The following MS4A6A variants were observed in gnomAD, a reference collection of about 807,000 sequenced individuals.
The protein encoded by MS4A6A is membrane-spanning 4-domains subfamily A member 6A.
MS4A6A carries 19 observed loss-of-function variants against 20.6 expected under a neutral mutation model. The observed-to-expected ratio is 0.92, with a 90% confidence interval of 0.64 to 1.36. The LOEUF (loss-of-function observed/expected upper bound fraction) is 1.36. Among genes scored for constraint, MS4A6A ranks in the 40% most tolerant of loss-of-function variants. MS4A6A has a pLI of 0.00. For missense variants in MS4A6A, 272 were observed against 261.1 expected, an observed-to-expected ratio of 1.04 and a Z score of -0.29; for synonymous variants, 108 against 105.0, an observed-to-expected ratio of 1.03 and a Z score of -0.17.
chr11:60,182,036 A>G (rs1361026929), intron 1 of MS4A6A, among the ~76,000 whole-genome samples: 2 of 152,228 alleles, frequency 1.3e-5, no homozygotes, highest in Admixed American at 1.3e-4. Flanking sequence ...GCAATATGCA[A>G]CAACCTCCCT....
chr11:60,172,481 C>A (rs597982), downstream of MS4A6A: 1,188,510 of 1,243,136 alleles, frequency 0.96, 571,346 homozygotes, highest in Non-Finnish European at 0.98. Context: ...TAAATAAAGC[C>A]ATAAGTCCAT....
intron 5 of MS4A6A, among the ~76,000 whole-genome samples, chr11:60,174,301 C>A (rs1191052921): frequency 6.6e-6 from 1 of 151,356 alleles, no homozygotes; most frequent in African/African-American, 2.4e-5. Flanking sequence ...TGCAGGACAA[C>A]AAATATTCTG....
downstream of MS4A6A, chr11:60,172,311 A>G (rs1294409216): frequency 9.4e-6 from 15 of 1,588,484 alleles, no homozygotes; most frequent in Non-Finnish European, 1.3e-5. Flanking sequence ...AGATAGATGT[A>G]TATATGCCAT....
intron 3 of MS4A6A, 106 bp downstream of exon 3, chr11:60,179,724 TG>T: frequency 7.5e-7 from 1 of 1,325,254 alleles, no homozygotes. Flanking sequence ...GTTGACTCCT[TG>T]CTCCTGGCAG....
At chr11:60,181,546 C>T (rs535404509) in intron 2 of MS4A6A, 35 bp downstream of exon 2, 25 of 1,612,430 alleles carry the variant, frequency 1.6e-5, no homozygotes, top group East Asian at 6.7e-5. Context: ...GCACTTCCCC[C>T]AACCCCTCTC....
At position 60,172,998 on chromosome 11, in the gene MS4A6A, A is replaced by G. The variant is rs1856656399; in HGVS notation, c.*3T>C. 4 of 1,613,952 alleles carry G rather than the reference A, an allele frequency of 2.5e-6. No individual in the cohort carries two copies. The highest frequency in any genetic ancestry group is 3.4e-6 in the Non-Finnish European group (4 of 1,179,880). ...GTGCAGGGATAAGATACACTAGGCA[A>G]GGTTAAGTGAAGCCGGCCAGCACAC... On this transcript the variant is annotated 3_prime_UTR_variant, in exon 6 of 6. Transcript: ENST00000528851.
At chr11:60,176,034 T>A (rs1434064876) in intron 4 of MS4A6A, among the ~76,000 whole-genome samples, 3 of 152,304 alleles carry the variant, frequency 2.0e-5, no homozygotes, top group Admixed American at 6.5e-5. Flanking sequence ...AAAAGATAGA[T>A]CATGTATTAG....
At position 60,175,418 on chromosome 11, in the gene MS4A6A, GC is replaced by G; in HGVS notation, c.532del (p.Ala178ProfsTer11). On this transcript the variant is annotated frameshift_variant, in exon 5 of 6. Transcript: ENST00000528851. LOFTEE classifies it high-confidence loss of function. Reference sequence around the variant, plus strand: ...AATACTTACAGCCAGACTGGCTTTGGCTGTATAGCAGTCCGTGGTATAAAGT... The same window carrying G: ...AATACTTACAGCCAGACTGGCTTTGGTGTATAGCAGTCCGTGGTATAAAGT... Reference protein sequence around the residue: ...DSLYTTDCYTAKASLAGTLSL... With the variant: ...DSLYTTDCYTXKASLAGTLSL... 6.2e-7 allele frequency: 1 copy of G among 1,613,568 alleles called. No individual in the cohort carries two copies. The highest frequency in any genetic ancestry group is 8.5e-7 in the Non-Finnish European group (1 of 1,179,542).
chr11:60,172,536 G>A lies in MS4A6A; in HGVS notation c.*465C>T, dbSNP rs1379386934. 4 of 1,142,196 alleles carry A rather than the reference G, an allele frequency of 3.5e-6. No homozygotes were observed. Among genetic ancestry groups the A allele is most frequent in the Admixed American group, 4.3e-5 (1 of 23,334 alleles). The allele number at this position is 1,142,196 out of a possible 1,614,324, so 70.8% of individuals were successfully genotyped here. A position where few individuals can be genotyped will look rare whatever the true frequency, so the allele number is the denominator to read the frequency against. ...ACATTTTTAATATAGCTTTAAAAAG[G>A]CAAACGAATTTTAAGATCACCAGGG... On this transcript the variant is annotated 3_prime_UTR_variant, in exon 6 of 6. Coordinates refer to ENST00000528851, the MANE Select transcript of MS4A6A (RefSeq NM_022349.4).
chr11:60,177,164 G>A (rs1167911423), intron 4 of MS4A6A: 1 of 152,180 alleles, frequency 6.6e-6, no homozygotes, highest in East Asian at 1.9e-4. Context: ...ATCATAGAAA[G>A]TTACATTTCA....
At chr11:60,182,099 C>T (rs115581868) in intron 1 of MS4A6A, among the ~76,000 whole-genome samples, 2,089 of 152,270 alleles carry the variant, frequency 0.014, 62 homozygotes, top group African/African-American at 0.048. Flanking sequence ...GATGAATTTT[C>T]AGACTAATAA....
In MS4A6A at chr11:60,179,944, T is replaced by C. The variant is rs776622879; in HGVS notation, c.169A>G (p.Met57Val). 2.5e-6 allele frequency: 4 copies of C among 1,614,104 alleles called. No homozygotes were observed. The South Asian group carries it at 3.3e-5, about 13-fold the overall frequency. The change falls in exon 3 of 6, where the codon ATG becomes GTG. Residue 57 changes from methionine to valine, a missense_variant. Coordinates refer to ENST00000528851, the MANE Select transcript of MS4A6A (RefSeq NM_022349.4). ...ATGATCCCCAAGCTCAATACCATCA[T>C]GCCACACAAGATCTGGATAGTCTGT... ...VIGTIQILCG[M>V]MVLSLGIILA...
Position 60,178,256 on chromosome 11 carries a change from T to A in MS4A6A, c.339+4A>T. 1 of 1,610,960 alleles carries A rather than the reference T, an allele frequency of 6.2e-7. No individual in the cohort carries two copies. The highest frequency in any genetic ancestry group is 8.5e-7 in the Non-Finnish European group (1 of 1,177,210). On this transcript the variant is annotated splice_donor_region_variant and intron_variant, in intron 4 of 5. Coordinates refer to ENST00000528851, the MANE Select transcript of MS4A6A (RefSeq NM_022349.4). ...GGGTTGTGGGTTATAGCTCTCTTAC[T>A]CACCAAAAGCTTGGTTAACCTTTTC... is the stretch of plus-strand genomic sequence containing the variant.
chr11:60,174,530 TG>T (rs1392479823), intron 5 of MS4A6A, among the ~76,000 whole-genome samples: 1 of 152,072 alleles, frequency 6.6e-6, no homozygotes, highest in African/African-American at 2.4e-5. Context: ...TTCACCGTCA[TG>T]GCCAGGCTCA....
At chr11:60,180,012 A>G (rs750757798) in intron 2 of MS4A6A, 47 bp from the exon 3 acceptor site, 2 of 1,595,960 alleles carry the variant, frequency 1.3e-6, no homozygotes, top group Admixed American at 3.4e-5. Context: ...AGCATTTGTA[A>G]AGACAGGGCC....
At chr11:60,181,776 G>A in intron 1 of MS4A6A, 35 bp from the exon 2 acceptor site, 1 of 1,604,612 alleles carries the variant, frequency 6.2e-7, no homozygotes, top group Non-Finnish European at 8.5e-7. Context: ...CTCTTAAAAA[G>A]TACAGAGCTC....
At chr11:60,179,765 G>C in intron 3 of MS4A6A, 66 bp downstream of exon 3, 1 of 1,585,514 alleles carries the variant, frequency 6.3e-7, no homozygotes, top group East Asian at 2.2e-5. Flanking sequence ...CAGGTGGGAA[G>C]TCTAAGCTAT....
chr11:60,176,930 A>G (rs1191458661), intron 4 of MS4A6A: 1 of 152,174 alleles, frequency 6.6e-6, no homozygotes, highest in Non-Finnish European at 1.5e-5. Flanking sequence ...TAACAGGCCC[A>G]TATATTTCCT....
intron 4 of MS4A6A, among the ~76,000 whole-genome samples, chr11:60,176,550 A>G (rs1206314236): frequency 1.3e-5 from 2 of 152,162 alleles, no homozygotes; most frequent in African/African-American, 2.4e-5. Flanking sequence ...ACAGGTAGGT[A>G]GGCTCCAGGG....
Sources: gnomAD v4.1 joint callset for allele counts (sites outside exome capture counted in the v4.1 genomes callset) on GRCh38, gnomAD v4.1.1 for gene constraint, MANE v1.5 for transcripts, NCBI Gene and HGNC (gene_info 2026-07-23, HGNC 2026-07-21) for gene names.